Variants in ZFYVE9 observed in about 807,000 individuals in gnomAD.
ZFYVE9 encodes zinc finger FYVE-type containing 9, also known as zinc finger FYVE domain-containing protein 9.
Under a neutral mutation model 126.7 loss-of-function variants are expected in ZFYVE9, and 43 were observed. The ratio of observed to expected loss-of-function variants is 0.34; its 90% CI spans 0.27 to 0.44. The LOEUF is 0.44. Ranked by LOEUF, ZFYVE9 falls within the 20% of genes least tolerant of loss-of-function variation. The probability of loss-of-function intolerance (pLI) is 1.00; values close to 1 mark genes in which losing one functional copy is unlikely to be tolerated. For synonymous variants in ZFYVE9, 521 were observed against 597.4 expected, an observed-to-expected ratio of 0.87 and a Z score of 1.87; for missense variants, 1,476 against 1,697.0, an observed-to-expected ratio of 0.87 and a Z score of 2.29.
At chr1:52,162,233 CTATAAT>C (rs1031654073) in intron 1 of ZFYVE9, 11 of 268,390 alleles carry the variant, frequency 4.1e-5, no homozygotes, top group African/African-American at 2.5e-4. Context: ...TCTGTATCGA[CTATAAT>C]AAGGAGAAGG....
intron 14 of ZFYVE9, 90 bp downstream of exon 14, chr1:52,333,008 C>G: frequency 6.7e-7 from 1 of 1,496,908 alleles, no homozygotes; most frequent in Non-Finnish European, 9.1e-7. Context: ...CACTCACTTT[C>G]TAGATAGGTG....
At chr1:52,171,871 T>G (rs1644574768) in intron 1 of ZFYVE9, among the ~76,000 whole-genome samples, 1 of 152,214 alleles carries the variant, frequency 6.6e-6, no homozygotes, top group African/African-American at 2.4e-5. Flanking sequence ...TGTAAATTTG[T>G]TTGTGTTCAT....
chr1:52,238,970 A>G lies in ZFYVE9; in HGVS notation c.1553A>G (p.Asn518Ser), dbSNP rs1277001244. Residue 518 changes from asparagine to serine, a missense_variant, in exon 4 of 19, where the codon AAT (asparagine) becomes AGT (serine). Physicochemically the swap from Asn to Ser is conservative, Grantham distance 46. Coordinates refer to ENST00000287727, the MANE Select transcript of ZFYVE9 (RefSeq NM_004799.4). Reference sequence around the variant, plus strand: ...GAAAGCAAGTCAGAATGCTACTCAAATATTTATGAACAGAGAGGAAATGAG... The same window carrying G: ...GAAAGCAAGTCAGAATGCTACTCAAGTATTTATGAACAGAGAGGAAATGAG... ...IEESKSECYSNIYEQRGNEAT... is the reference protein window; with the variant it reads ...IEESKSECYSSIYEQRGNEAT... 6.2e-7 allele frequency: 1 copy of G among 1,614,162 alleles called. No individual in the cohort carries two copies. Among genetic ancestry groups the G allele is most frequent in the Non-Finnish European group, 8.5e-7 (1 of 1,180,018 alleles).
rs376521422 is a variant in ZFYVE9, at chr1:52,237,796, A to T, written c.379A>T (p.Ser127Cys). 1.1e-5 allele frequency: 17 copies of T among 1,614,134 alleles called. No homozygotes were observed. The highest frequency in any genetic ancestry group is 1.3e-5 in the Non-Finnish European group (15 of 1,179,982). The part of the protein sequence containing the change: ...KRNYSWDDQC[S>C]AVEVGEKKCG... ...AAACTATAGTTGGGATGATCAATGC[A>T]GTGCTGTTGAAGTGGGAGAGAAGAA... Residue 127 changes from serine (S) to cysteine (C), a missense_variant, in exon 4 of 19, where the codon AGT becomes TGT. Ser to Cys is a moderately radical substitution (Grantham distance 112). Transcript: ENST00000287727.
At chr1:52,191,528 A>G (rs1040077493) in intron 1 of ZFYVE9, among the ~76,000 whole-genome samples, 1 of 152,252 alleles carries the variant, frequency 6.6e-6, no homozygotes, top group Non-Finnish European at 1.5e-5. Flanking sequence ...ATATATTTGT[A>G]GAATTCTTTA....
chr1:52,180,074 T>C, intron 1 of ZFYVE9: 1 of 858,024 alleles, frequency 1.2e-6, no homozygotes, highest in Admixed American at 1.7e-5. Context: ...AGAGACTGGC[T>C]GAGTGGAAAG....
intron 1 of ZFYVE9, among the ~76,000 whole-genome samples, chr1:52,185,631 A>G (rs1159138494): frequency 6.6e-6 from 1 of 152,176 alleles, no homozygotes; most frequent in East Asian, 1.9e-4. Context: ...GATGCAGAAA[A>G]GGCTCTTGAT....
At chr1:52,303,519 CA>C (rs1455903230) in intron 12 of ZFYVE9, among the ~76,000 whole-genome samples, 1 of 152,114 alleles carries the variant, frequency 6.6e-6, no homozygotes, top group Admixed American at 6.5e-5. Context: ...AGGGAGGAGA[CA>C]GATAGTTAAC....
intron 1 of ZFYVE9, among the ~76,000 whole-genome samples, chr1:52,148,723 C>T (rs1484596078): frequency 6.6e-6 from 1 of 150,688 alleles, no homozygotes; most frequent in East Asian, 2.0e-4. Flanking sequence ...CTCACTGCAA[C>T]CTCTGTCTCC....
At position 52,237,841 on chromosome 1, in the gene ZFYVE9, C is replaced by A; in HGVS notation, c.424C>A (p.Leu142Met). 1 of 1,614,042 alleles carries A rather than the reference C, an allele frequency of 6.2e-7. No homozygotes were observed. The highest frequency in any genetic ancestry group is 8.5e-7 in the Non-Finnish European group (1 of 1,179,972). The change falls in exon 4 of 19, where the codon CTG becomes ATG. Residue 142 changes from leucine (L) to methionine (M), a missense_variant. Coordinates refer to ENST00000287727, the MANE Select transcript of ZFYVE9 (RefSeq NM_004799.4). ...GAAGAAATGTGGAAACCTGGCTTGT[C>A]TGCCAGATGAGAAGAATGTTCTTGT... Reference protein sequence around the residue: ...GEKKCGNLACLPDEKNVLVVA... With the variant: ...GEKKCGNLACMPDEKNVLVVA...
intron 1 of ZFYVE9, among the ~76,000 whole-genome samples, chr1:52,209,852 C>A (rs1045831591): frequency 6.6e-6 from 1 of 152,034 alleles, no homozygotes; most frequent in Non-Finnish European, 1.5e-5. Flanking sequence ...TGGACTTTAT[C>A]CTAAGGGCAA....
At chr1:52,251,058 TG>T (rs1645441016) in intron 4 of ZFYVE9, among the ~76,000 whole-genome samples, 1 of 105,712 alleles carries the variant, frequency 9.5e-6, no homozygotes, top group Admixed American at 8.9e-5. Context: ...TTGTTGTTGT[TG>T]TTGTTTGTTT....
intron 1 of ZFYVE9, among the ~76,000 whole-genome samples, chr1:52,195,586 T>C (rs1320570709): frequency 6.6e-6 from 1 of 152,192 alleles, no homozygotes; most frequent in Non-Finnish European, 1.5e-5. Flanking sequence ...AAAAGTTTAA[T>C]ACCTAAAAAG....
chr1:52,145,485 G>A (rs1644298059), intron 1 of ZFYVE9, among the ~76,000 whole-genome samples: 1 of 152,178 alleles, frequency 6.6e-6, no homozygotes, highest in African/African-American at 2.4e-5. Context: ...GCATAATGTG[G>A]TACAGAGTAT....
chr1:52,249,760 GCGTTT>G (rs1208427894), intron 4 of ZFYVE9, among the ~76,000 whole-genome samples: 1 of 152,050 alleles, frequency 6.6e-6, no homozygotes, highest in African/African-American at 2.4e-5. Context: ...TTTAGTGCTT[GCGTTT>G]AGGTCTTTTA....
At chr1:52,144,629 C>CT (rs199661772) in intron 1 of ZFYVE9, among the ~76,000 whole-genome samples, 1,550 of 136,224 alleles carry the variant, frequency 0.011, 17 homozygotes, top group South Asian at 0.053. Flanking sequence ...TCATTTCTTT[C>CT]TTTTTTTTTT....
At chr1:52,296,430 A>G (rs1645976008) in intron 12 of ZFYVE9, among the ~76,000 whole-genome samples, 1 of 152,044 alleles carries the variant, frequency 6.6e-6, no homozygotes, top group African/African-American at 2.4e-5. Context: ...CAGATACCCC[A>G]AGCCAGTAAG....
At chr1:52,332,405 T>G (rs1368044105) in intron 13 of ZFYVE9, among the ~76,000 whole-genome samples, 1 of 152,214 alleles carries the variant, frequency 6.6e-6, no homozygotes, top group African/African-American at 2.4e-5. Context: ...GGGACATTCT[T>G]TTGAACTTAG....
At position 52,237,499 on chromosome 1, in the gene ZFYVE9, T is replaced by C. The variant is rs368901334; in HGVS notation, c.82T>C (p.Ser28Pro). 6 of 1,596,550 alleles carry C rather than the reference T, an allele frequency of 3.8e-6. No individual in the cohort carries two copies. The highest frequency in any genetic ancestry group is 5.1e-6 in the Non-Finnish European group (6 of 1,169,312). Residue 28 changes from serine to proline, a missense_variant, in exon 4 of 19, where the codon TCT (serine) becomes CCT (proline). This residue lies in a region of ZFYVE9 where 807 missense variants were observed against 794.6 expected (regional missense o/e 1.02). Transcript: ENST00000287727. ...TTATTTTTTTCCAGATGAAACAGTT[T>C]CTTCTACTTTATTGGATACAAAGTG... ...EFEQNEDETV[S>P]STLLDTKWNK...
Sources: allele counts gnomAD v4.1 joint callset (sites outside exome capture counted in the v4.1 genomes callset), GRCh38; gene constraint gnomAD v4.1.1; regional missense constraint gnomAD v4.1.1; transcripts MANE v1.5; gene names NCBI Gene and HGNC (gene_info 2026-07-23, HGNC 2026-07-21).